CCDC85A: variants seen among roughly 807,000 people sequenced by gnomAD.
CCDC85A encodes the protein coiled-coil domain containing 85A.
Under a neutral mutation model 50.2 loss-of-function variants are expected in CCDC85A, and 38 were observed. The observed-to-expected ratio is 0.76, with a 90% confidence interval of 0.58 to 0.99. The LOEUF (loss-of-function observed/expected upper bound fraction) is 0.99. Ranked by LOEUF, CCDC85A falls within the 50% of genes least tolerant of loss-of-function variation. CCDC85A has a pLI of 0.00. For synonymous variants in CCDC85A, 366 were observed against 301.4 expected (o/e 1.21, Z -2.22); for missense variants, 820 against 742.0 (o/e 1.11, Z -1.22).
chr2:56,224,065 T>G (rs913544194), intron 2 of CCDC85A, among the ~76,000 whole-genome samples: 3 of 152,210 alleles, frequency 2.0e-5, no homozygotes, highest in African/African-American at 7.2e-5. Context: ...TTAGAACATT[T>G]TTATCTCCCC....
intron 2 of CCDC85A, among the ~76,000 whole-genome samples, chr2:56,292,389 G>A (rs995314623): frequency 3.3e-5 from 5 of 152,042 alleles, no homozygotes; most frequent in African/African-American, 1.2e-4. Context: ...GGCCTGAGTT[G>A]CAGTATAATT....
At chr2:56,195,499 G>A (rs1057012661) in intron 2 of CCDC85A, among the ~76,000 whole-genome samples, 2 of 152,196 alleles carry the variant, frequency 1.3e-5, no homozygotes, top group African/African-American at 2.4e-5. Flanking sequence ...TATTTGCAGT[G>A]CATTTGCATT....
intron 2 of CCDC85A, among the ~76,000 whole-genome samples, chr2:56,216,016 C>T (rs1484861915): frequency 6.6e-6 from 1 of 151,910 alleles, no homozygotes; most frequent in African/African-American, 2.4e-5. Flanking sequence ...ATTTGCACTA[C>T]AGTGGCAGAG....
At chr2:56,351,863 C>G (rs907575256) in intron 3 of CCDC85A, among the ~76,000 whole-genome samples, 4 of 152,080 alleles carry the variant, frequency 2.6e-5, no homozygotes, top group Admixed American at 6.5e-5. Context: ...TTAATTCGAT[C>G]CCATTTGTCA....
chr2:56,357,283 T>G (rs1675281865), intron 3 of CCDC85A, among the ~76,000 whole-genome samples: 1 of 152,126 alleles, frequency 6.6e-6, no homozygotes, highest in African/African-American at 2.4e-5. Flanking sequence ...AATGTTCACT[T>G]AAGTACCCAC....
intron 2 of CCDC85A, among the ~76,000 whole-genome samples, chr2:56,203,365 G>GT (rs5831404): frequency 0.077 from 11,207 of 145,768 alleles, 419 homozygotes; most frequent in East Asian, 0.17. Flanking sequence ...TGAAAATTGT[G>GT]TTTTTTTTTT....
rs70955011 is a variant in CCDC85A, at chr2:56,189,297, G to GTTTTTTTTTTTTTTTTT, written c.277-3165_277-3164insTTTTTTTTTTTTTTTTT. Among the ~76,000 whole-genome samples the GTTTTTTTTTTTTTTTTT allele has an allele frequency of 9.2e-4, 112 of 121,926 alleles. 3 individuals are homozygous for GTTTTTTTTTTTTTTTTT. The highest frequency in any genetic ancestry group is 1.8e-3 in the African/African-American group (54 of 29,206). 80.0% of individuals were successfully genotyped at this position (121,926 alleles called of 152,430 possible). A position where few individuals can be genotyped will look rare whatever the true frequency, so the allele number is the denominator to read the frequency against. ...AAAACATGCACGGGGTATTTTTGGT[G>GTTTTTTTTTTTTTTTTT]TTTTTTTTTTTTTTTGAGACAAGGT... On this transcript the variant is annotated intron_variant, in intron 1 of 5. Transcript: ENST00000407595.
At chr2:56,268,558 G>A (rs1243002815) in intron 2 of CCDC85A, among the ~76,000 whole-genome samples, 11 of 140,304 alleles carry the variant, frequency 7.8e-5, no homozygotes, top group African/African-American at 2.9e-4. Context: ...TTGCACCACT[G>A]CATTCCAGCC....
At chr2:56,299,941 T>C (rs554275665) in intron 2 of CCDC85A, among the ~76,000 whole-genome samples, 3 of 152,228 alleles carry the variant, frequency 2.0e-5, no homozygotes, top group South Asian at 4.1e-4. Context: ...GCAGGTAACA[T>C]GAGCTTTGCC....
At chr2:56,311,637 A>C (rs537784784) in intron 2 of CCDC85A, among the ~76,000 whole-genome samples, 12 of 152,210 alleles carry the variant, frequency 7.9e-5, no homozygotes, top group African/African-American at 2.6e-4. Context: ...GAAAGTAACT[A>C]ACATTTGGTG....
chr2:56,222,906 C>T (rs976839967), intron 2 of CCDC85A, among the ~76,000 whole-genome samples: 9 of 152,128 alleles, frequency 5.9e-5, no homozygotes, highest in African/African-American at 2.2e-4. Flanking sequence ...AATTTGCATG[C>T]TTCATGGGAA....
Position 56,192,701 on chromosome 2 carries a change from G to A in CCDC85A, c.501G>A (p.Glu167=). The change falls in exon 2 of 6, where the codon GAG becomes GAA. Residue 167 remains glutamate, a synonymous_variant. Transcript: ENST00000407595. The surrounding 1 kb of genome is among the most constrained non-coding windows in gnomAD (Gnocchi z 4.7). ...TGAAGGAGAACATGGAGCTCAAGGAGCTCTGTGTGCTACTAGATGAGGAGA... is the reference window on the plus strand; with the variant it reads ...TGAAGGAGAACATGGAGCTCAAGGAACTCTGTGTGCTACTAGATGAGGAGA... The part of the protein sequence containing the change: ...EVVKENMELK[E]LCVLLDEEKG... 6.2e-7 allele frequency: 1 copy of A among 1,613,886 alleles called. No individual in the cohort carries two copies.
chr2:56,316,848 A>T (rs1479006876), intron 2 of CCDC85A, among the ~76,000 whole-genome samples: 2 of 152,162 alleles, frequency 1.3e-5, no homozygotes, highest in Non-Finnish European at 2.9e-5. Context: ...TATGGTAAGC[A>T]GGCATCATTG....
In CCDC85A at chr2:56,350,952, T is replaced by C. The variant is rs1268410559; in HGVS notation, c.1317+7997T>C. Among the ~76,000 whole-genome samples, 11 of 147,388 alleles carry C rather than the reference T, an allele frequency of 7.5e-5. No individual in the cohort carries two copies. The East Asian group carries it at 2.0e-3, about 27-fold the overall frequency. ...GTGCCATGCTGGTGTGCTGCACCCA[T>C]TAACTCGTCATTTAGCATTAGGTAT... On this transcript the variant is annotated intron_variant, in intron 3 of 5. Transcript: ENST00000407595.
chr2:56,222,720 A>G (rs774460122), intron 2 of CCDC85A, among the ~76,000 whole-genome samples: 5 of 152,192 alleles, frequency 3.3e-5, no homozygotes, highest in South Asian at 2.1e-4. Flanking sequence ...TAAGTCTCCA[A>G]TATGAGATGT....
At chr2:56,383,689 C>T (rs1338722945) in intron 5 of CCDC85A, 1 of 984,882 alleles carries the variant, frequency 1.0e-6, no homozygotes, top group Non-Finnish European at 1.2e-6. Context: ...TAGAAAAAGC[C>T]AGAGAAATTT....
chr2:56,363,590 A>C (rs1675644188), intron 3 of CCDC85A, among the ~76,000 whole-genome samples: 1 of 152,194 alleles, frequency 6.6e-6, no homozygotes, highest in African/African-American at 2.4e-5. Flanking sequence ...AGATTCATCA[A>C]AGAACCTAAG....
At chr2:56,357,728 T>C (rs563717252) in intron 3 of CCDC85A, among the ~76,000 whole-genome samples, 114 of 151,750 alleles carry the variant, frequency 7.5e-4, no homozygotes, top group Non-Finnish European at 1.3e-3. Context: ...CCTTTCTTTC[T>C]GTGAGAAACA....
At chr2:56,278,752 T>C (rs1671074297) in intron 2 of CCDC85A, among the ~76,000 whole-genome samples, 1 of 152,140 alleles carries the variant, frequency 6.6e-6, no homozygotes, top group African/African-American at 2.4e-5. Flanking sequence ...TTCTGTGTTT[T>C]TAGTAGATCC....
Sources: gnomAD v4.1 joint callset for allele counts (sites outside exome capture counted in the v4.1 genomes callset) on GRCh38, gnomAD v4.1.1 for gene constraint, Gnocchi (gnomAD v3.1) non-coding constraint, MANE v1.5 for transcripts, NCBI Gene and HGNC (gene_info 2026-07-23, HGNC 2026-07-21) for gene names.